BEND6: variants seen among roughly 807,000 people sequenced by gnomAD.
The protein encoded by BEND6 is BEN domain containing 6.
BEND6 carries 24 observed loss-of-function variants against 31.8 expected under a neutral mutation model. The observed-to-expected ratio is 0.75, with a 90% CI of 0.55 to 1.06. The LOEUF is 1.06. Among genes scored for constraint, BEND6 ranks in the 50% least tolerant of loss-of-function variants. The pLI, the probability that BEND6 is intolerant of heterozygous loss-of-function variation, is 0.00. For synonymous variants in BEND6, 109 were observed against 114.6 expected (o/e 0.95, Z 0.31); for missense variants, 294 against 327.4 (o/e 0.90, Z 0.79).
chr6:56,956,786 T>C (rs1351318655), intron 1 of BEND6, among the ~76,000 whole-genome samples: 4 of 152,216 alleles, frequency 2.6e-5, no homozygotes, highest in African/African-American at 9.6e-5. Flanking sequence ...CGCAGCCCAC[T>C]GCAGTGAGAA....
chr6:57,016,718 A>G (rs1409324250), intron 4 of BEND6, among the ~76,000 whole-genome samples: 2 of 152,152 alleles, frequency 1.3e-5, no homozygotes, highest in Non-Finnish European at 2.9e-5. Flanking sequence ...TTCTGCTTTT[A>G]AGAACTCATG....
intron 6 of BEND6, among the ~76,000 whole-genome samples, chr6:57,020,279 T>C (rs1464605620): frequency 7.2e-6 from 1 of 138,006 alleles, no homozygotes; most frequent in Admixed American, 7.0e-5. Context: ...AGTTCTCTAT[T>C]TTTTTTTTTT....
At chr6:57,005,493 T>C (rs1827123048) in intron 3 of BEND6, among the ~76,000 whole-genome samples, 1 of 151,788 alleles carries the variant, frequency 6.6e-6, no homozygotes, top group African/African-American at 2.4e-5. Context: ...CTGGCCAACA[T>C]GGTGAAACTC....
intron 3 of BEND6, among the ~76,000 whole-genome samples, chr6:56,996,567 G>T (rs1826722130): frequency 6.6e-6 from 1 of 152,120 alleles, no homozygotes; most frequent in Non-Finnish European, 1.5e-5. Context: ...TGCTTAACAT[G>T]ACTGATAGGC....
chr6:56,971,347 C>A (rs9475760), intron 1 of BEND6, among the ~76,000 whole-genome samples: 32,135 of 152,090 alleles, frequency 0.21, 3,533 homozygotes, highest in Middle Eastern at 0.23. Context: ...TTATATGTAT[C>A]TGCCCATTTT....
intron 1 of BEND6, among the ~76,000 whole-genome samples, chr6:56,980,358 T>G (rs1826026068): frequency 6.6e-6 from 1 of 152,108 alleles, no homozygotes; most frequent in African/African-American, 2.4e-5. Context: ...CTGGCTAATT[T>G]TTGGTATTTT....
intron 3 of BEND6, among the ~76,000 whole-genome samples, chr6:57,006,591 T>C (rs1361383910): frequency 1.3e-5 from 2 of 152,234 alleles, no homozygotes; most frequent in African/African-American, 2.4e-5. Context: ...TAAAACTCCA[T>C]GTTCTGATTT....
At chr6:57,011,520 C>T (rs1827340479) in intron 3 of BEND6, among the ~76,000 whole-genome samples, 1 of 151,748 alleles carries the variant, frequency 6.6e-6, no homozygotes, top group South Asian at 2.1e-4. Flanking sequence ...GAGTTCAAGA[C>T]CAGCCTGGGC....
chr6:57,016,209 A>C (rs1666571242), intron 4 of BEND6, among the ~76,000 whole-genome samples: 1 of 152,202 alleles, frequency 6.6e-6, no homozygotes, highest in South Asian at 2.1e-4. Flanking sequence ...GAGTTTTGTT[A>C]GAATCAGGTA....
At position 57,027,153 on chromosome 6, in the gene BEND6, CAA is replaced by C. The variant is rs1258995674; in HGVS notation, c.*1083_*1084del. ...TGCGAAGCCATACTTCTTCAGTGCA[CAA>C]AGTCATGTTTAAACTTGGAAAAGAG... On this transcript the variant is annotated 3_prime_UTR_variant, in exon 7 of 7. Coordinates refer to ENST00000370746, the MANE Select transcript of BEND6 (RefSeq NM_152731.3). 7.9e-5 allele frequency: 12 copies of C among 152,300 alleles called. No individual in the cohort carries two copies. Among genetic ancestry groups the C allele is most frequent in the African/African-American group, 2.6e-4 (11 of 41,562 alleles). The allele number at this position is 152,300 out of a possible 1,614,324, so 9.4% of individuals were successfully genotyped here. A position where few individuals can be genotyped will look rare whatever the true frequency, so the allele number is the denominator to read the frequency against.
intron 1 of BEND6, among the ~76,000 whole-genome samples, chr6:56,962,433 G>A (rs564520080): frequency 2.6e-4 from 40 of 152,294 alleles, no homozygotes; most frequent in African/African-American, 9.4e-4. Context: ...ACTCCAGTGG[G>A]CAAGTCCAGT....
At chr6:57,014,996 C>T in intron 3 of BEND6, 137 bp from the exon 4 acceptor site, 1 of 606,432 alleles carries the variant, frequency 1.6e-6, no homozygotes. Flanking sequence ...CCTTTCCTGC[C>T]ATGTTTATTT....
intron 3 of BEND6, among the ~76,000 whole-genome samples, chr6:56,997,129 T>C (rs1048603120): frequency 6.6e-6 from 1 of 152,222 alleles, no homozygotes; most frequent in African/African-American, 2.4e-5. Context: ...CCAGACACAC[T>C]GGACCACTTA....
intron 1 of BEND6, among the ~76,000 whole-genome samples, chr6:56,970,198 T>C (rs1184984723): frequency 1.3e-5 from 2 of 152,150 alleles, no homozygotes; most frequent in Non-Finnish European, 2.9e-5. Context: ...AACCACATTT[T>C]TTTTTTCTTT....
intron 6 of BEND6, among the ~76,000 whole-genome samples, chr6:57,019,049 C>G (rs1037382132): frequency 6.6e-6 from 1 of 152,188 alleles, no homozygotes; most frequent in African/African-American, 2.4e-5. Context: ...GTTGTGCAAA[C>G]TATTGGCTGA....
chr6:56,976,903 A>G (rs1393542603), intron 1 of BEND6, among the ~76,000 whole-genome samples: 1 of 152,226 alleles, frequency 6.6e-6, no homozygotes, highest in Non-Finnish European at 1.5e-5. Context: ...GTTGTGCTGA[A>G]AGAATATCAT....
intron 1 of BEND6, among the ~76,000 whole-genome samples, chr6:56,971,977 T>C (rs1179848595): frequency 6.6e-6 from 1 of 152,228 alleles, no homozygotes; most frequent in African/African-American, 2.4e-5. Flanking sequence ...AATATTCCTG[T>C]TTTTTGTTTT....
At chr6:57,013,447 T>C (rs1195206713) in intron 3 of BEND6, among the ~76,000 whole-genome samples, 1 of 152,158 alleles carries the variant, frequency 6.6e-6, no homozygotes, top group Non-Finnish European at 1.5e-5. Context: ...CTGTCCAAAC[T>C]TTTTATTGGA....
At chr6:56,957,606 A>G (rs1295861759) in intron 1 of BEND6, among the ~76,000 whole-genome samples, 2 of 152,222 alleles carry the variant, frequency 1.3e-5, no homozygotes, top group Non-Finnish European at 2.9e-5. Flanking sequence ...AATAATTGAC[A>G]TTGTATAAAA....
Sources: allele counts gnomAD v4.1 joint callset (sites outside exome capture counted in the v4.1 genomes callset), GRCh38; gene constraint gnomAD v4.1.1; transcripts MANE v1.5; gene names NCBI Gene and HGNC (gene_info 2026-07-23, HGNC 2026-07-21).